Variants in CDK5RAP2 observed in about 807,000 individuals in gnomAD.
CDK5RAP2 encodes the protein CDK5 regulatory subunit-associated protein 2.
CDK5RAP2 carries 147 observed loss-of-function variants against 232.9 expected under a neutral mutation model. That is an observed-to-expected ratio of 0.63 (90% CI 0.55 to 0.72). CDK5RAP2 has a LOEUF of 0.72. Among genes scored for constraint, CDK5RAP2 ranks in the 30% least tolerant of loss-of-function variants. The pLI, the probability that CDK5RAP2 is intolerant of heterozygous loss-of-function variation, is 0.00. For missense variants in CDK5RAP2, 2,195 were observed against 2,231.5 expected (o/e 0.98, Z 0.33); for synonymous variants, 833 against 833.7 (o/e 1.00, Z 0.01).
chr9:120,427,434 G>A (rs970963206), intron 25 of CDK5RAP2, among the ~76,000 whole-genome samples: 5 of 152,166 alleles, frequency 3.3e-5, no homozygotes. Flanking sequence ...CTCCCCCATA[G>A]AGGAAATCTG....
chr9:120,407,100 C>T lies in CDK5RAP2; in HGVS notation c.4875G>A (p.Arg1625=), dbSNP rs1259620922. 2 of 1,614,006 alleles carry T rather than the reference C, an allele frequency of 1.2e-6. No individual in the cohort carries two copies. The highest frequency in any genetic ancestry group is 1.3e-5 in the African/African-American group (1 of 74,934). ...LQSRLKEQLA[R]GAEKAQEGAL... The stretch of plus-strand genomic sequence containing the variant: ...CTCCTTCCTGTGCCTTCTCTGCCCC[C>T]CTTGCCAGCTGTTCCTTGAGCCTGC... Residue 1625 remains arginine, a synonymous_variant, in exon 32 of 38, where the codon AGG becomes AGA. Transcript: ENST00000349780.
intron 12 of CDK5RAP2, among the ~76,000 whole-genome samples, chr9:120,504,088 G>A (rs1263353158): frequency 6.6e-6 from 1 of 152,124 alleles, no homozygotes; most frequent in Non-Finnish European, 1.5e-5. Context: ...GCAGAATGGG[G>A]AATCAAAGTA....
At chr9:120,480,984 C>T (rs762505384) in intron 14 of CDK5RAP2, among the ~76,000 whole-genome samples, 1 of 152,190 alleles carries the variant, frequency 6.6e-6, no homozygotes, top group Admixed American at 6.5e-5. Flanking sequence ...CACACAACCA[C>T]GTGTGCAGCC....
intron 2 of CDK5RAP2, among the ~76,000 whole-genome samples, chr9:120,570,077 G>A (rs1285771234): frequency 2.0e-5 from 3 of 152,238 alleles, no homozygotes; most frequent in South Asian, 2.1e-4. Flanking sequence ...AGGAGGCACC[G>A]GGCAGATGAG....
At chr9:120,540,605 G>A (rs1232660468) in intron 5 of CDK5RAP2, among the ~76,000 whole-genome samples, 3 of 152,202 alleles carry the variant, frequency 2.0e-5, no homozygotes, top group Admixed American at 6.5e-5. Flanking sequence ...TGAACAACTG[G>A]AAAGAAAGAA....
intron 18 of CDK5RAP2, among the ~76,000 whole-genome samples, chr9:120,465,476 G>C (rs1244295501): frequency 6.6e-6 from 1 of 151,952 alleles, no homozygotes; most frequent in Non-Finnish European, 1.5e-5. Flanking sequence ...GGCAGGAACT[G>C]AGCACCGTGG....
At chr9:120,391,658 G>A (rs749151056) in intron 36 of CDK5RAP2, among the ~76,000 whole-genome samples, 3 of 152,228 alleles carry the variant, frequency 2.0e-5, no homozygotes, top group Non-Finnish European at 4.4e-5. Flanking sequence ...AGGACTCTTA[G>A]GGTCCCACTG....
chr9:120,547,653 C>T (rs535279162), intron 4 of CDK5RAP2, among the ~76,000 whole-genome samples: 1 of 152,254 alleles, frequency 6.6e-6, no homozygotes, highest in African/African-American at 2.4e-5. Context: ...CAGGATATGC[C>T]TCCCTCCTTT....
At chr9:120,538,177 T>C (rs146228347) in intron 6 of CDK5RAP2, among the ~76,000 whole-genome samples, 1,666 of 152,264 alleles carry the variant, frequency 0.011, 34 homozygotes, top group Non-Finnish European at 0.012. Context: ...AATAGCTACA[T>C]AACCCCAAGA....
At chr9:120,555,381 G>A (rs1330132366) in intron 3 of CDK5RAP2, among the ~76,000 whole-genome samples, 3 of 151,242 alleles carry the variant, frequency 2.0e-5, no homozygotes, top group Admixed American at 6.6e-5. Flanking sequence ...CAAGTGATCC[G>A]CCCGCCTTGG....
chr9:120,531,247 G>A (rs2041138645), intron 7 of CDK5RAP2, among the ~76,000 whole-genome samples: 1 of 151,722 alleles, frequency 6.6e-6, no homozygotes, highest in Non-Finnish European at 1.5e-5. Flanking sequence ...TACCTAAAAT[G>A]CCCTTCCCCA....
chr9:120,487,482 A>C, intron 13 of CDK5RAP2, 45 bp from the exon 14 acceptor site: 3 of 1,467,882 alleles, frequency 2.0e-6, no homozygotes, highest in Non-Finnish European at 2.8e-6. Flanking sequence ...ATCAAGAAAA[A>C]AAATATTAAG....
intron 3 of CDK5RAP2, among the ~76,000 whole-genome samples, chr9:120,555,669 G>C (rs972253004): frequency 1.3e-5 from 2 of 152,154 alleles, no homozygotes; most frequent in African/African-American, 4.8e-5. Context: ...AAAAAAACTA[G>C]ACTTAACATG....
At chr9:120,435,231 C>T (rs1308977166) in intron 25 of CDK5RAP2, among the ~76,000 whole-genome samples, 1 of 151,982 alleles carries the variant, frequency 6.6e-6, no homozygotes, top group African/African-American at 2.4e-5. Context: ...TTAAACTCTT[C>T]CAGTGGGTTT....
At chr9:120,460,500 T>C in intron 19 of CDK5RAP2, 72 bp downstream of exon 19, 1 of 1,428,964 alleles carries the variant, frequency 7.0e-7, no homozygotes, top group Non-Finnish European at 9.8e-7. Flanking sequence ...ACTGGACTCA[T>C]TCCAGACTCG....
chr9:120,389,050 G>A lies in CDK5RAP2; in HGVS notation c.*186C>T. 1.6e-6 allele frequency: 1 copy of A among 620,052 alleles called. No homozygotes were observed. Among genetic ancestry groups the A allele is most frequent in the Admixed American group, 2.8e-5 (1 of 35,212 alleles). The allele number at this position is 620,052 out of a possible 1,614,324, so 38.4% of individuals were successfully genotyped here. On this transcript the variant is annotated 3_prime_UTR_variant, in exon 38 of 38. Transcript: ENST00000349780. ...GAGGCCTTTTTACCACCCGTTTGTG[G>A]AGCACCTGCACCTTTCTGACAACAA...
intron 2 of CDK5RAP2, among the ~76,000 whole-genome samples, chr9:120,568,761 A>G (rs2042740031): frequency 6.6e-6 from 1 of 152,146 alleles, no homozygotes; most frequent in Non-Finnish European, 1.5e-5. Flanking sequence ...ACTTGACAGC[A>G]GGGGTTGGCA....
chr9:120,578,723 C>T (rs1326609285), intron 1 of CDK5RAP2, among the ~76,000 whole-genome samples: 3 of 152,052 alleles, frequency 2.0e-5, no homozygotes, highest in Non-Finnish European at 2.9e-5. Context: ...CATGCCACCA[C>T]GCCTGGCTAA....
intron 11 of CDK5RAP2, among the ~76,000 whole-genome samples, chr9:120,519,259 CT>C (rs1177738337): frequency 2.0e-5 from 3 of 151,418 alleles, no homozygotes; most frequent in African/African-American, 2.4e-5. Context: ...ACTATAGTTA[CT>C]TTTTTTTGTC....
Sources: allele counts gnomAD v4.1 joint callset (sites outside exome capture counted in the v4.1 genomes callset), GRCh38; gene constraint gnomAD v4.1.1; transcripts MANE v1.5; gene names NCBI Gene and HGNC (gene_info 2026-07-23, HGNC 2026-07-21).